The following ABLIM2 variants were observed in gnomAD, a reference collection of about 807,000 sequenced individuals.
ABLIM2 encodes actin binding LIM protein family member 2, also known as actin-binding LIM protein 2.
In ABLIM2, 53 loss-of-function variants were observed where a neutral mutation model predicts 97.7. The ratio of observed to expected loss-of-function variants is 0.54; its 90% CI spans 0.44 to 0.68. The LOEUF (loss-of-function observed/expected upper bound fraction) is 0.68. Ranked by LOEUF, ABLIM2 falls within the 30% of genes least tolerant of loss-of-function variation. The pLI, the probability that ABLIM2 is intolerant of heterozygous loss-of-function variation, is 0.00. For synonymous variants in ABLIM2, 361 were observed against 345.8 expected (o/e 1.04, Z -0.49); for missense variants, 835 against 867.2 (o/e 0.96, Z 0.47).
At chr4:8,154,910 C>T (rs1028207357) in intron 1 of ABLIM2, among the ~76,000 whole-genome samples, 4 of 152,316 alleles carry the variant, frequency 2.6e-5, no homozygotes, top group East Asian at 3.9e-4. Context: ...GAAGGAGGGG[C>T]AAAGGGACGT....
At chr4:8,060,475 G>A (rs4696669) in intron 7 of ABLIM2, among the ~76,000 whole-genome samples, 94,820 of 152,012 alleles carry the variant, frequency 0.62, 30,193 homozygotes, top group East Asian at 0.94. Flanking sequence ...CCTTGCTCCT[G>A]GAAGAAAGCC....
intron 1 of ABLIM2, among the ~76,000 whole-genome samples, chr4:8,133,205 G>T (rs950787187): frequency 3.9e-5 from 6 of 152,148 alleles, no homozygotes; most frequent in Non-Finnish European, 5.9e-5. Flanking sequence ...CCCAAATCCA[G>T]CATGACCTCA....
intron 2 of ABLIM2, among the ~76,000 whole-genome samples, chr4:8,097,571 C>T (rs1489410005): frequency 2.6e-5 from 4 of 152,218 alleles, no homozygotes; most frequent in African/African-American, 9.6e-5. Flanking sequence ...CAGCCTCCCA[C>T]CCTCGCTAGA....
At chr4:8,141,090 T>C (rs553685993) in intron 1 of ABLIM2, among the ~76,000 whole-genome samples, 26 of 152,072 alleles carry the variant, frequency 1.7e-4, no homozygotes, top group African/African-American at 5.6e-4. Flanking sequence ...CTGCAAGTCA[T>C]CTCCAGGTAG....
chr4:8,044,210 C>T lies in ABLIM2; in HGVS notation c.900+954G>A, dbSNP rs950978050. Among the ~76,000 whole-genome samples, 5 of 152,164 alleles carry T rather than the reference C, an allele frequency of 3.3e-5. No individual in the cohort carries two copies. Among genetic ancestry groups the T allele is most frequent in the Admixed American group, 3.3e-4 (5 of 15,278 alleles). On this transcript the variant is annotated intron_variant, in intron 9 of 20. Transcript: ENST00000447017. The surrounding 1 kb of genome is among the most constrained non-coding windows in gnomAD (Gnocchi z 4.4). ...CCAGCCTCCGCTGAGGCATGAAGAA[C>T]CCAGGTCCTGGCCTGGCGGGGACGG...
chr4:8,018,215 T>A (rs570217937), intron 14 of ABLIM2, among the ~76,000 whole-genome samples: 30 of 152,306 alleles, frequency 2.0e-4, no homozygotes, highest in Non-Finnish European at 4.4e-5. Flanking sequence ...AAGGCACCAA[T>A]CTGAGACAAA....
In ABLIM2 at chr4:8,054,180, C is replaced by G; in HGVS notation, c.822+8G>C. On this transcript the variant is annotated splice_region_variant and intron_variant, in intron 8 of 20. Transcript: ENST00000447017. This position sits in a 1 kb window ranked among gnomAD's most constrained non-coding sequence, Gnocchi z 4.9. ...GGTACATCAGAGACACCAGTGAATG[C>G]CACCAACCTTGTTTCTGTCTTCAGT... The G allele has an allele frequency of 6.2e-7, 1 of 1,613,980 alleles. No homozygotes were observed. The highest frequency in any genetic ancestry group is 1.1e-5 in the South Asian group (1 of 91,084).
chr4:7,978,764 C>T (rs896783891), intron 20 of ABLIM2, among the ~76,000 whole-genome samples: 4 of 152,188 alleles, frequency 2.6e-5, no homozygotes, highest in Non-Finnish European at 5.9e-5. Context: ...GGGACCTGAC[C>T]ACAGAACTCA....
rs989947244 is a variant in ABLIM2 at position 8,124,618 on chromosome 4, G to A, written c.11-17981C>T. Among the ~76,000 whole-genome samples the A allele has an allele frequency of 1.3e-5, 2 of 152,304 alleles. No individual in the cohort carries two copies. The highest frequency in any genetic ancestry group is 1.9e-4 in the East Asian group (1 of 5,178). Reference sequence around the variant, plus strand: ...CCTTTTGATGGCTGAGAAATATTCCGTTGTACAGACAGACCCTATTTGGCT... The same window carrying A: ...CCTTTTGATGGCTGAGAAATATTCCATTGTACAGACAGACCCTATTTGGCT... On this transcript the variant is annotated intron_variant, in intron 1 of 20. Coordinates refer to ENST00000447017, the MANE Select transcript of ABLIM2 (RefSeq NM_001130083.2). This position sits in a 1 kb window ranked among gnomAD's most constrained non-coding sequence, Gnocchi z 6.1.
intron 20 of ABLIM2, among the ~76,000 whole-genome samples, chr4:7,977,722 T>C (rs1257133899): frequency 6.6e-6 from 1 of 151,430 alleles, no homozygotes; most frequent in East Asian, 1.9e-4. Flanking sequence ...ACCCAGGAGG[T>C]GGAGGCTGCA....
In ABLIM2 at chr4:8,132,583, G is replaced by A. The variant is rs1245936544; in HGVS notation, c.11-25946C>T. Among the ~76,000 whole-genome samples, 3 of 152,004 alleles carry A rather than the reference G, an allele frequency of 2.0e-5. No individual in the cohort carries two copies. The highest frequency in any genetic ancestry group is 6.5e-5 in the Admixed American group (1 of 15,276). On this transcript the variant is annotated intron_variant, in intron 1 of 20. Transcript: ENST00000447017. This position sits in a 1 kb window ranked among gnomAD's most constrained non-coding sequence, Gnocchi z 8.0. ...ACCTCACGGTCAGAAAACAGAATGC[G>A]GAAGGCCTGCTCACTGCCACCCTCC... is the stretch of plus-strand genomic sequence containing the variant.
At position 8,068,697 on chromosome 4, in the gene ABLIM2, C is replaced by T. The variant is rs751349520; in HGVS notation, c.676-7643G>A. ...GCCACACTTCCCCTTGCTTCTTCCC[C>T]GCTGCGGGCTCCCGCTCAGCCGAGG... On this transcript the variant is annotated intron_variant, in intron 6 of 20. Transcript: ENST00000447017. The surrounding 1 kb of genome is among the most constrained non-coding windows in gnomAD (Gnocchi z 4.5). Among the ~76,000 whole-genome samples, 2 of 152,312 alleles carry T rather than the reference C, an allele frequency of 1.3e-5. No homozygotes were observed. Among genetic ancestry groups the T allele is most frequent in the East Asian group, 1.9e-4 (1 of 5,180 alleles).
chr4:8,127,373 G>A lies in ABLIM2; in HGVS notation c.11-20736C>T, dbSNP rs1286176325. On this transcript the variant is annotated intron_variant, in intron 1 of 20. Transcript: ENST00000447017. This position sits in a 1 kb window ranked among gnomAD's most constrained non-coding sequence, Gnocchi z 7.3. ...AAGCCTGCACCCACTGGCGCTCGTG[G>A]TGCCGGCGCTCATGACCTTCACGCA... 2.0e-5 allele frequency among the ~76,000 whole-genome samples: 3 copies of A among 152,164 alleles called. 1 individual carries two copies. The highest frequency in any genetic ancestry group is 7.2e-5 in the African/African-American group (3 of 41,436).
intron 8 of ABLIM2, among the ~76,000 whole-genome samples, chr4:8,053,035 TAGACCACCCTTGGGTCAC>T (rs1342493937): frequency 1.3e-5 from 2 of 152,138 alleles, no homozygotes; most frequent in African/African-American, 4.8e-5. Context: ...GATGGGGCCA[TAGACCACCCTTGGGTCAC>T]AGACCACCAG....
In ABLIM2 at chr4:8,127,745, C is replaced by A; in HGVS notation, c.11-21108G>T. On this transcript the variant is annotated intron_variant, in intron 1 of 20. Coordinates refer to ENST00000447017, the MANE Select transcript of ABLIM2 (RefSeq NM_001130083.2). The surrounding 1 kb of genome is among the most constrained non-coding windows in gnomAD (Gnocchi z 7.3). Reference sequence around the variant, plus strand: ...ACCCTCTGCCCGGGGAGGGGCAGAGCCAAGCCCTTCCCGGCACACTGAAAT... The same window carrying A: ...ACCCTCTGCCCGGGGAGGGGCAGAGACAAGCCCTTCCCGGCACACTGAAAT... The A allele has an allele frequency of 1.0e-6, 1 of 975,416 alleles. No homozygotes were observed. The highest frequency in any genetic ancestry group is 1.2e-6 in the Non-Finnish European group (1 of 820,842). 60.4% of individuals were successfully genotyped at this position (975,416 alleles called of 1,614,324 possible).
At chr4:8,137,168 C>T (rs766156068) in intron 1 of ABLIM2, among the ~76,000 whole-genome samples, 1 of 152,206 alleles carries the variant, frequency 6.6e-6, no homozygotes, top group Non-Finnish European at 1.5e-5. Flanking sequence ...GTCACGGCAG[C>T]CGGGCTGACT....
chr4:8,017,224 C>A lies in ABLIM2; in HGVS notation c.1423+2394G>T, dbSNP rs984705581. On this transcript the variant is annotated intron_variant, in intron 14 of 20. Coordinates refer to ENST00000447017, the MANE Select transcript of ABLIM2 (RefSeq NM_001130083.2). ...CAACTAGCCCTGCTTCATGACCATT[C>A]CTGACTGTTCAGGGAGGTGCTCTAT... 1.3e-5 allele frequency among the ~76,000 whole-genome samples: 2 copies of A among 152,116 alleles called. 1 individual carries two copies. The highest frequency in any genetic ancestry group is 4.2e-4 in the South Asian group (2 of 4,812).
intron 14 of ABLIM2, among the ~76,000 whole-genome samples, chr4:8,013,385 G>A (rs1394264050): frequency 6.6e-6 from 1 of 151,932 alleles, no homozygotes; most frequent in Non-Finnish European, 1.5e-5. Context: ...ACCATGCCCG[G>A]CTAATTTTTT....
At chr4:8,031,440 T>C (rs1463633542) in intron 10 of ABLIM2, among the ~76,000 whole-genome samples, 2 of 152,112 alleles carry the variant, frequency 1.3e-5, no homozygotes, top group African/African-American at 4.8e-5. Context: ...GCCTGGGACA[T>C]CAAAAGTCAC....
Sources: gnomAD v4.1 joint callset for allele counts (sites outside exome capture counted in the v4.1 genomes callset) on GRCh38, gnomAD v4.1.1 for gene constraint, Gnocchi (gnomAD v3.1) non-coding constraint, MANE v1.5 for transcripts, NCBI Gene and HGNC (gene_info 2026-07-23, HGNC 2026-07-21) for gene names.